The following MAML3 variants were observed in gnomAD, a reference collection of about 807,000 sequenced individuals.
MAML3 encodes the protein mastermind-like protein 3.
In MAML3, 27 loss-of-function variants were observed where a neutral mutation model predicts 101.9. The observed-to-expected ratio is 0.27, with a 90% CI of 0.20 to 0.37. The LOEUF (loss-of-function observed/expected upper bound fraction) is 0.37, where lower values mean the gene tolerates loss of function less well. MAML3 is among the 10% of genes least tolerant of loss of function. MAML3 has a pLI of 1.00. For missense variants in MAML3, 1,316 were observed against 1,444.9 expected (o/e 0.91, Z 1.45); for synonymous variants, 501 against 555.9 (o/e 0.90, Z 1.39).
intron 2 of MAML3, among the ~76,000 whole-genome samples, chr4:139,737,062 AG>A (rs1728974177): frequency 6.6e-6 from 1 of 152,156 alleles, no homozygotes; most frequent in African/African-American, 2.4e-5. Flanking sequence ...TGTGCTGTGG[AG>A]GCTGAGGAGC....
At chr4:140,149,837 A>AT (rs1465545978) in intron 1 of MAML3, among the ~76,000 whole-genome samples, 1 of 151,892 alleles carries the variant, frequency 6.6e-6, no homozygotes, top group Non-Finnish European at 1.5e-5. Context: ...TATTTTTGAG[A>AT]TTTTACCTCA....
At chr4:139,887,896 T>C (rs1402518788) in intron 2 of MAML3, among the ~76,000 whole-genome samples, 1 of 152,228 alleles carries the variant, frequency 6.6e-6, no homozygotes, top group Non-Finnish European at 1.5e-5. Context: ...TGCTGTTATC[T>C]CCCCAATGGT....
intron 2 of MAML3, among the ~76,000 whole-genome samples, chr4:139,818,588 G>A (rs1578615631): frequency 1.3e-5 from 2 of 152,128 alleles, no homozygotes; most frequent in African/African-American, 4.8e-5. Flanking sequence ...CCAGGAATAG[G>A]AAAATCATCA....
chr4:139,901,284 G>A (rs1420152286), intron 1 of MAML3, among the ~76,000 whole-genome samples: 1 of 152,150 alleles, frequency 6.6e-6, no homozygotes, highest in Non-Finnish European at 1.5e-5. Flanking sequence ...GCATCCCAGC[G>A]GTAGCTTCCT....
intron 1 of MAML3, among the ~76,000 whole-genome samples, chr4:140,033,340 A>G (rs1418213836): frequency 6.6e-6 from 1 of 152,236 alleles, no homozygotes; most frequent in African/African-American, 2.4e-5. Context: ...GAAAAGGAAG[A>G]AGCTCACGCA....
At chr4:139,896,199 T>C (rs1732604661) in intron 1 of MAML3, among the ~76,000 whole-genome samples, 1 of 152,034 alleles carries the variant, frequency 6.6e-6, no homozygotes, top group Non-Finnish European at 1.5e-5. Flanking sequence ...TCAGAGAACA[T>C]GGGAATGCCT....
chr4:140,150,270 C>T (rs1231105550), intron 1 of MAML3, among the ~76,000 whole-genome samples: 1 of 152,178 alleles, frequency 6.6e-6, no homozygotes, highest in Non-Finnish European at 1.5e-5. Context: ...CATTATCTTT[C>T]TATTTTCAAA....
intron 2 of MAML3, among the ~76,000 whole-genome samples, chr4:139,870,703 G>T (rs145186110): frequency 1.2e-4 from 18 of 152,042 alleles, no homozygotes; most frequent in African/African-American, 4.3e-4. Flanking sequence ...GTTCAGTGGC[G>T]CAATCACAGC....
intron 1 of MAML3, among the ~76,000 whole-genome samples, chr4:140,138,345 A>G (rs1202819940): frequency 6.6e-6 from 1 of 152,248 alleles, no homozygotes; most frequent in Admixed American, 6.5e-5. Context: ...CATTGAAGAA[A>G]ATGAACGTGA....
intron 2 of MAML3, among the ~76,000 whole-genome samples, chr4:139,797,041 T>C (rs561268751): frequency 6.6e-6 from 1 of 152,332 alleles, no homozygotes; most frequent in South Asian, 2.1e-4. Context: ...AAAGTGATGA[T>C]GTCAACATGC....
intron 1 of MAML3, among the ~76,000 whole-genome samples, chr4:139,899,472 T>C (rs1257630289): frequency 6.6e-6 from 1 of 152,242 alleles, no homozygotes; most frequent in East Asian, 1.9e-4. Context: ...TATATTTCCC[T>C]TCACTTTCAT....
Position 139,865,951 on chromosome 4 carries a change from C to G in MAML3, c.2079+23406G>C, listed in dbSNP as rs1231331428. On this transcript the variant is annotated intron_variant, in intron 2 of 4. Transcript: ENST00000509479. ...GTCCGTCTTCTGGAAGGTGGCCACA[C>G]AGCTGTGTGCACCTCTAGGCCCAAA... Among the ~76,000 whole-genome samples, 3 of 152,246 alleles carry G rather than the reference C, an allele frequency of 2.0e-5. No homozygotes were observed. In the East Asian group the frequency reaches 5.8e-4, roughly 29 times the overall value.
Position 140,029,782 on chromosome 4 carries a change from G to C in MAML3, c.468+123078C>G, listed in dbSNP as rs75083545. Among the ~76,000 whole-genome samples the C allele has an allele frequency of 3.8e-4, 58 of 152,168 alleles. No individual in the cohort carries two copies. In the East Asian group the frequency reaches 0.01, roughly 27 times the overall value. On this transcript the variant is annotated intron_variant, in intron 1 of 4. Transcript: ENST00000509479. ...TATTTTTCTTTCAAAACTACCATAA[G>C]CAAAGATGCTAACATTTTGTTTTTT...
chr4:139,955,471 A>G (rs572842998), intron 1 of MAML3, among the ~76,000 whole-genome samples: 6 of 152,340 alleles, frequency 3.9e-5, no homozygotes, highest in African/African-American at 1.4e-4. Context: ...GATAAGGTGA[A>G]CATGATCTAC....
intron 2 of MAML3, among the ~76,000 whole-genome samples, chr4:139,747,139 A>G: frequency 6.6e-6 from 1 of 152,178 alleles, no homozygotes; most frequent in Non-Finnish European, 1.5e-5. Context: ...ATGTGCAGGG[A>G]AGTCAATCCT....
At chr4:139,721,588 TG>T (rs1553950630) in intron 4 of MAML3, among the ~76,000 whole-genome samples, 1 of 152,196 alleles carries the variant, frequency 6.6e-6, no homozygotes, top group Non-Finnish European at 1.5e-5. Context: ...TATTGATTTC[TG>T]GGCTGCAAAT....
chr4:140,111,252 T>A (rs1728434196), intron 1 of MAML3, among the ~76,000 whole-genome samples: 1 of 151,964 alleles, frequency 6.6e-6, no homozygotes, highest in East Asian at 1.9e-4. Flanking sequence ...TGGGCCTTTT[T>A]ATCTTTTTCT....
intron 1 of MAML3, among the ~76,000 whole-genome samples, chr4:139,912,398 T>A (rs1049023659): frequency 5.9e-5 from 9 of 152,168 alleles, no homozygotes; most frequent in Non-Finnish European, 1.0e-4. Flanking sequence ...GAGAAGTAAA[T>A]GAAGGTTTCG....
chr4:140,012,992 G>A (rs17373621), intron 1 of MAML3, among the ~76,000 whole-genome samples: 40,753 of 152,120 alleles, frequency 0.27, 6,664 homozygotes, highest in Non-Finnish European at 0.37. Context: ...TCCGTGGTGC[G>A]TATGACTAAT....
Sources: gnomAD v4.1 joint callset for allele counts (sites outside exome capture counted in the v4.1 genomes callset) on GRCh38, gnomAD v4.1.1 for gene constraint, MANE v1.5 for transcripts, NCBI Gene and HGNC (gene_info 2026-07-23, HGNC 2026-07-21) for gene names.